Variants in RBMS3 observed in about 807,000 individuals in gnomAD.
RBMS3 encodes RNA binding motif single stranded interacting protein 3, also known as RNA-binding motif, single-stranded-interacting protein 3.
In RBMS3, 27 loss-of-function variants were observed where a neutral mutation model predicts 66.8. The ratio of observed to expected loss-of-function variants is 0.40; its 90% CI spans 0.30 to 0.56. The LOEUF (loss-of-function observed/expected upper bound fraction) is 0.56, where lower values mean the gene tolerates loss of function less well. Ranked by LOEUF, RBMS3 falls within the 20% of genes least tolerant of loss-of-function variation. The pLI is 0.40. For missense variants in RBMS3, 513 were observed against 549.5 expected, an observed-to-expected ratio of 0.93 and a Z score of 0.66; for synonymous variants, 188 against 183.0, an observed-to-expected ratio of 1.03 and a Z score of -0.22.
At chr3:29,295,955 T>C (rs2033232892) in intron 1 of RBMS3, among the ~76,000 whole-genome samples, 1 of 151,804 alleles carries the variant, frequency 6.6e-6, no homozygotes, top group African/African-American at 2.4e-5. Context: ...CCAAAAATTC[T>C]GTGCCCTGCA....
At chr3:29,858,256 G>GTA in intron 6 of RBMS3, among the ~76,000 whole-genome samples, 1 of 151,948 alleles carries the variant, frequency 6.6e-6, no homozygotes, top group African/African-American at 2.4e-5. Flanking sequence ...AGATTATAGT[G>GTA]ATATTTTTCT....
intron 6 of RBMS3, among the ~76,000 whole-genome samples, chr3:29,771,452 G>A (rs772068109): frequency 4.1e-4 from 62 of 151,980 alleles, no homozygotes; most frequent in Non-Finnish European, 7.5e-4. Context: ...CAAATACCTA[G>A]TTGTGGTAGA....
chr3:29,475,632 A>G (rs1270061435), intron 2 of RBMS3, among the ~76,000 whole-genome samples: 2 of 152,124 alleles, frequency 1.3e-5, no homozygotes, highest in Admixed American at 1.3e-4. Flanking sequence ...ATCATGAAAC[A>G]TTTACCGTAT....
At chr3:29,756,515 T>C (rs2055420808) in intron 5 of RBMS3, among the ~76,000 whole-genome samples, 1 of 151,992 alleles carries the variant, frequency 6.6e-6, no homozygotes, top group African/African-American at 2.4e-5. Context: ...CTATCCTTTA[T>C]AAAACCATCA....
At chr3:29,684,752 A>G (rs908866284) in intron 4 of RBMS3, among the ~76,000 whole-genome samples, 1 of 151,138 alleles carries the variant, frequency 6.6e-6, no homozygotes, top group Non-Finnish European at 1.5e-5. Flanking sequence ...ACAAAATTCA[A>G]ACAGGTAAAA....
chr3:29,779,212 C>A (rs1473047990), intron 6 of RBMS3, among the ~76,000 whole-genome samples: 14 of 151,660 alleles, frequency 9.2e-5, no homozygotes, highest in Non-Finnish European at 1.2e-4. Flanking sequence ...TTTATAGAAA[C>A]TCCCTTTAGA....
In RBMS3 at chr3:29,438,611, T is replaced by C. The variant is rs181864964; in HGVS notation, c.248+3696T>C. Among the ~76,000 whole-genome samples, 98 of 152,332 alleles carry C rather than the reference T, an allele frequency of 6.4e-4. No homozygotes were observed. The East Asian group carries it at 0.016, about 25-fold the overall frequency. The stretch of plus-strand genomic sequence containing the variant: ...ATAAATATAAAGAATGATTTTACTC[T>C]ATGGAAAAATCTAGTTGTACCTATG... On this transcript the variant is annotated intron_variant, in intron 2 of 14. Transcript: ENST00000383767.
At chr3:29,312,818 C>A (rs527364389) in intron 1 of RBMS3, among the ~76,000 whole-genome samples, 1 of 151,732 alleles carries the variant, frequency 6.6e-6, no homozygotes, top group South Asian at 2.1e-4. Flanking sequence ...CTGCGCTTCC[C>A]TGGAAACTGT....
chr3:29,836,193 A>G (rs2058503826), intron 6 of RBMS3, among the ~76,000 whole-genome samples: 1 of 152,096 alleles, frequency 6.6e-6, no homozygotes, highest in African/African-American at 2.4e-5. Flanking sequence ...CATTTCAAGA[A>G]TAATTAATAG....
At chr3:29,959,442 G>A (rs780382875) in intron 12 of RBMS3, among the ~76,000 whole-genome samples, 2 of 152,128 alleles carry the variant, frequency 1.3e-5, no homozygotes, top group Non-Finnish European at 2.9e-5. Context: ...GGGTGAGGGT[G>A]GAGGTGGAAC....
At chr3:29,886,295 T>C (rs538876362) in intron 8 of RBMS3, among the ~76,000 whole-genome samples, 17 of 152,038 alleles carry the variant, frequency 1.1e-4, no homozygotes, top group Admixed American at 3.3e-4. Flanking sequence ...TTATTTCATT[T>C]ATTTATTATA....
chr3:29,691,288 C>T (rs1163047478), intron 4 of RBMS3, among the ~76,000 whole-genome samples: 3 of 152,230 alleles, frequency 2.0e-5, no homozygotes, highest in South Asian at 2.1e-4. Context: ...GGCCACAAAG[C>T]GTCAAGAAGA....
At chr3:29,465,709 G>T (rs1226326673) in intron 2 of RBMS3, among the ~76,000 whole-genome samples, 1 of 152,070 alleles carries the variant, frequency 6.6e-6, no homozygotes, top group Non-Finnish European at 1.5e-5. Context: ...AGAAATCACT[G>T]CTATTTAGAT....
intron 10 of RBMS3, among the ~76,000 whole-genome samples, chr3:29,914,193 T>C (rs1041131779): frequency 2.0e-5 from 3 of 151,956 alleles, no homozygotes; most frequent in African/African-American, 7.2e-5. Flanking sequence ...ATATGGTGGA[T>C]GCATGGGTCA....
At chr3:29,673,826 A>G (rs1388782114) in intron 4 of RBMS3, among the ~76,000 whole-genome samples, 1 of 152,206 alleles carries the variant, frequency 6.6e-6, no homozygotes, top group Non-Finnish European at 1.5e-5. Context: ...CTAGAGGTAC[A>G]AAGAGGAGCT....
intron 3 of RBMS3, among the ~76,000 whole-genome samples, chr3:29,577,924 CAG>C (rs1491248097): frequency 6.6e-5 from 10 of 152,262 alleles, no homozygotes; most frequent in African/African-American, 2.2e-4. Context: ...TTTCTGTGTG[CAG>C]ATAGTTGCTA....
chr3:29,630,586 T>G (rs766759699), intron 4 of RBMS3, among the ~76,000 whole-genome samples: 31 of 151,996 alleles, frequency 2.0e-4, no homozygotes, highest in Non-Finnish European at 3.8e-4. Flanking sequence ...CTTGAATCCT[T>G]TCTGAATCAT....
intron 6 of RBMS3, among the ~76,000 whole-genome samples, chr3:29,774,820 T>A (rs2056362983): frequency 6.6e-6 from 1 of 152,078 alleles, no homozygotes. Flanking sequence ...CTCTTCTCTT[T>A]TTTATTCTGT....
chr3:29,474,505 T>C (rs2042877873), intron 2 of RBMS3, among the ~76,000 whole-genome samples: 2 of 152,258 alleles, frequency 1.3e-5, no homozygotes, highest in Admixed American at 1.3e-4. Context: ...ACTTTTCTTT[T>C]AAGTTGATTG....
Sources: gnomAD v4.1 joint callset for allele counts (sites outside exome capture counted in the v4.1 genomes callset) on GRCh38, gnomAD v4.1.1 for gene constraint, MANE v1.5 for transcripts, NCBI Gene and HGNC (gene_info 2026-07-23, HGNC 2026-07-21) for gene names.